PCDH7: variants seen among roughly 807,000 people sequenced by gnomAD.
The protein encoded by PCDH7 is protocadherin-7.
A neutral mutation model predicts 58.9 loss-of-function variants in PCDH7; 17 were observed. That is an observed-to-expected ratio of 0.29 (90% CI 0.20 to 0.43). PCDH7 has a LOEUF of 0.43. Ranked by LOEUF, PCDH7 falls within the 20% of genes least tolerant of loss-of-function variation. PCDH7 has a pLI of 1.00. For synonymous variants in PCDH7, 664 were observed against 616.4 expected (o/e 1.08, Z -1.14); for missense variants, 1,274 against 1,441.0 (o/e 0.88, Z 1.88).
chr4:30,858,888 C>A lies in PCDH7; in HGVS notation c.71-61265C>A, dbSNP rs145252312. Among the ~76,000 whole-genome samples, 764 of 152,162 alleles carry A rather than the reference C, an allele frequency of 5.0e-3. 7 individuals carry two copies. Among genetic ancestry groups the A allele is most frequent in the African/African-American group, 0.017 (701 of 41,508 alleles). On this transcript the variant is annotated intron_variant, in intron 1 of 3. Transcript: ENST00000509759. ...GAGTTTCTGTTTTGAATTATTCTAA[C>A]ATGCCACATGCTATTTTATCATTTG... is the stretch of plus-strand genomic sequence containing the variant.
At chr4:30,764,900 TA>T (rs557582269) in intron 1 of PCDH7, among the ~76,000 whole-genome samples, 312 of 152,174 alleles carry the variant, frequency 2.1e-3, no homozygotes, top group African/African-American at 7.0e-3. Flanking sequence ...TTTGTGTTTT[TA>T]CTAGAGACGA....
chr4:30,829,414 T>C (rs1729499669), intron 1 of PCDH7, among the ~76,000 whole-genome samples: 1 of 152,090 alleles, frequency 6.6e-6, no homozygotes, highest in African/African-American at 2.4e-5. Context: ...TTAAATGATA[T>C]CATTCAGCAG....
At chr4:31,027,982 G>A (rs959510638) in intron 3 of PCDH7, among the ~76,000 whole-genome samples, 2 of 152,042 alleles carry the variant, frequency 1.3e-5, no homozygotes, top group Non-Finnish European at 2.9e-5. Flanking sequence ...TTGAATTTTA[G>A]CTGCTGCAAC....
At chr4:30,951,955 T>C (rs1747411938) in intron 3 of PCDH7, among the ~76,000 whole-genome samples, 1 of 152,170 alleles carries the variant, frequency 6.6e-6, no homozygotes. Flanking sequence ...CACTAAATGT[T>C]GATTAAATGA....
chr4:30,944,688 A>T (rs1746461207), intron 2 of PCDH7, among the ~76,000 whole-genome samples: 1 of 152,224 alleles, frequency 6.6e-6, no homozygotes, highest in Non-Finnish European at 1.5e-5. Flanking sequence ...TAAGTCAGGA[A>T]GATAATGAGC....
intron 3 of PCDH7, among the ~76,000 whole-genome samples, chr4:31,099,586 A>G (rs1356971814): frequency 6.6e-6 from 1 of 152,198 alleles, no homozygotes. Flanking sequence ...TTTATTGCTA[A>G]CTGTGTCAGG....
Position 30,962,303 on chromosome 4 carries a change from A to T in PCDH7, c.*7+12088A>T, listed in dbSNP as rs370416137. Among the ~76,000 whole-genome samples, 25 of 152,310 alleles carry T rather than the reference A, an allele frequency of 1.6e-4. No homozygotes were observed. The South Asian group carries it at 5.2e-3, about 32-fold the overall frequency. On this transcript the variant is annotated intron_variant, in intron 3 of 3. Transcript: ENST00000509759. ...TGATGGCAAAACTCCTGCCATTGTA[A>T]TTGGGGAGTTATTACAGAGCACATG... is the stretch of plus-strand genomic sequence containing the variant.
At chr4:30,989,827 G>A (rs914623063) in intron 3 of PCDH7, among the ~76,000 whole-genome samples, 5 of 152,160 alleles carry the variant, frequency 3.3e-5, no homozygotes, top group African/African-American at 1.2e-4. Flanking sequence ...AGTGAAAAGA[G>A]AGAGGGAGAG....
chr4:31,019,030 A>T (rs1182386948), intron 3 of PCDH7, among the ~76,000 whole-genome samples: 1 of 152,224 alleles, frequency 6.6e-6, no homozygotes, highest in Non-Finnish European at 1.5e-5. Context: ...TTAATGGAGT[A>T]GTTCAGAAAT....
At chr4:30,946,044 T>C (rs1219583982) in intron 2 of PCDH7, among the ~76,000 whole-genome samples, 1 of 152,148 alleles carries the variant, frequency 6.6e-6, no homozygotes, top group Non-Finnish European at 1.5e-5. Context: ...AGACTATCTA[T>C]GGTTGCAGAA....
At position 30,849,087 on chromosome 4, in the gene PCDH7, G is replaced by A. The variant is rs1163854781; in HGVS notation, c.71-71066G>A. On this transcript the variant is annotated intron_variant, in intron 1 of 3. Transcript: ENST00000509759. ...AACTAAACACATTCACTTATTTGTG[G>A]TTTGTCAGTGGAGAAAAATAGCATA... Among the ~76,000 whole-genome samples, 20 of 152,068 alleles carry A rather than the reference G, an allele frequency of 1.3e-4. No individual in the cohort carries two copies. The East Asian group carries it at 3.7e-3, about 28-fold the overall frequency.
At chr4:31,063,058 T>C (rs1200656349) in intron 3 of PCDH7, among the ~76,000 whole-genome samples, 3 of 151,834 alleles carry the variant, frequency 2.0e-5, no homozygotes, top group African/African-American at 7.2e-5. Flanking sequence ...GAGAAGACTT[T>C]GAGAGAATGA....
At chr4:30,731,006 T>C (rs1440449256) in exon 2 of PCDH7, 1 of 1,215,080 alleles carries the variant, frequency 8.2e-7, no homozygotes, top group Non-Finnish European at 1.0e-6. Context: ...AGAAATGTGC[T>C]ACTAATGGAT....
At chr4:30,965,925 C>A (rs1463477944) in intron 3 of PCDH7, among the ~76,000 whole-genome samples, 2 of 152,056 alleles carry the variant, frequency 1.3e-5, no homozygotes, top group African/African-American at 4.8e-5. Flanking sequence ...ACAGGATGGC[C>A]ATTTTCATCT....
chr4:31,035,933 G>A (rs1412503828), intron 3 of PCDH7, among the ~76,000 whole-genome samples: 4 of 152,112 alleles, frequency 2.6e-5, no homozygotes, highest in Non-Finnish European at 5.9e-5. Flanking sequence ...ATCACTAAAT[G>A]TTCATAAGAC....
At chr4:30,904,402 CT>C (rs1247161525) in intron 1 of PCDH7, among the ~76,000 whole-genome samples, 1 of 152,156 alleles carries the variant, frequency 6.6e-6, no homozygotes, top group Non-Finnish European at 1.5e-5. Context: ...AGTGCATCCC[CT>C]GACCTTCTTT....
intron 3 of PCDH7, among the ~76,000 whole-genome samples, chr4:31,064,501 T>C (rs966477493): frequency 6.6e-6 from 1 of 151,978 alleles, no homozygotes; most frequent in African/African-American, 2.4e-5. Flanking sequence ...GTTTTGGATG[T>C]TAGAAGTCCA....
intron 3 of PCDH7, among the ~76,000 whole-genome samples, chr4:31,000,748 A>C (rs530013762): frequency 6.6e-6 from 1 of 152,234 alleles, no homozygotes; most frequent in East Asian, 1.9e-4. Flanking sequence ...CAGAAAAAGA[A>C]ACAACACAAG....
intron 1 of PCDH7, among the ~76,000 whole-genome samples, chr4:30,729,389 A>G (rs1715140348): frequency 6.6e-6 from 1 of 152,032 alleles, no homozygotes. Flanking sequence ...TCTTCTGTGT[A>G]AAATTATCTG....
Sources: gnomAD v4.1 joint callset for allele counts (sites outside exome capture counted in the v4.1 genomes callset) on GRCh38, gnomAD v4.1.1 for gene constraint, MANE v1.5 for transcripts, NCBI Gene and HGNC (gene_info 2026-07-23, HGNC 2026-07-21) for gene names.